ACTR2: variants seen among roughly 807,000 people sequenced by gnomAD.
The protein encoded by ACTR2 is actin related protein 2, also known as actin-related protein 2.
A neutral mutation model predicts 50.2 loss-of-function variants in ACTR2; 5 were observed. The observed-to-expected ratio is 0.10, with a 90% CI of 0.05 to 0.21. The LOEUF is 0.21. Among genes scored for constraint, ACTR2 ranks in the 10% least tolerant of loss-of-function variants. The pLI is 1.00. For missense variants in ACTR2, 180 were observed against 480.6 expected (o/e 0.37, Z 5.85); for synonymous variants, 140 against 162.9 (o/e 0.86, Z 1.07).
At chr2:65,261,145 T>A (rs1387593493) in intron 6 of ACTR2, 102 bp from the exon 7 acceptor site, 5 of 1,136,454 alleles carry the variant, frequency 4.4e-6, no homozygotes, top group Admixed American at 2.6e-5. Flanking sequence ...TGGTAATGAT[T>A]TTGGTTACAG....
At chr2:65,254,011 C>A in intron 5 of ACTR2, 147 bp downstream of exon 5, 1 of 645,920 alleles carries the variant, frequency 1.5e-6, no homozygotes, top group Non-Finnish European at 2.5e-6. Flanking sequence ...TATAAAAATT[C>A]ATATAAGATT....
At chr2:65,259,987 C>T (rs746518468) in intron 6 of ACTR2, among the ~76,000 whole-genome samples, 17 of 152,100 alleles carry the variant, frequency 1.1e-4, no homozygotes, top group Non-Finnish European at 2.4e-4. Context: ...ATCTTATTTG[C>T]TTAAATTGAA....
chr2:65,268,864 A>G lies in ACTR2; in HGVS notation c.*130A>G, dbSNP rs1672434276. 2 of 1,014,630 alleles carry G rather than the reference A, an allele frequency of 2.0e-6. No homozygotes were observed. The highest frequency in any genetic ancestry group is 5.3e-5 in the Admixed American group (2 of 37,612). The allele number at this position is 1,014,630 out of a possible 1,614,324, so 62.9% of individuals were successfully genotyped here. A position where few individuals can be genotyped will look rare whatever the true frequency, so the allele number is the denominator to read the frequency against. On this transcript the variant is annotated 3_prime_UTR_variant, in exon 9 of 9. Coordinates refer to ENST00000260641, the MANE Select transcript of ACTR2 (RefSeq NM_005722.4). Reference sequence around the variant, plus strand: ...CCTTTGACTGGAAAGGTCAAGTTTTATTCTGGTGTCTTGGGGAAGCTTTGT... The same window carrying G: ...CCTTTGACTGGAAAGGTCAAGTTTTGTTCTGGTGTCTTGGGGAAGCTTTGT...
intron 6 of ACTR2, 150 bp from the exon 7 acceptor site, chr2:65,261,097 C>CT (rs968038146): frequency 2.7e-6 from 2 of 736,522 alleles, no homozygotes; most frequent in Non-Finnish European, 4.3e-6. Flanking sequence ...TTTAATTTAC[C>CT]TTTTTTTCCC....
At chr2:65,265,359 A>G in intron 8 of ACTR2, 184 bp downstream of exon 8, 1 of 706,974 alleles carries the variant, frequency 1.4e-6, no homozygotes, top group Admixed American at 2.4e-5. Context: ...TCACCTCTAT[A>G]GAGTTGGTGG....
rs1160212791 is a variant in ACTR2 at position 65,243,636 on chromosome 2, T to A, written c.160-2888T>A. On this transcript the variant is annotated intron_variant, in intron 2 of 8. Coordinates refer to ENST00000260641, the MANE Select transcript of ACTR2 (RefSeq NM_005722.4). Reference sequence around the variant, plus strand: ...AGAGCAAAACCCTGCCTCTATTAGTTAATTGAACAAACAAACAAATGTTTT... The same window carrying A: ...AGAGCAAAACCCTGCCTCTATTAGTAAATTGAACAAACAAACAAATGTTTT... Among the ~76,000 whole-genome samples, 6 of 152,166 alleles carry A rather than the reference T, an allele frequency of 3.9e-5. No individual in the cohort carries two copies. The East Asian group carries it at 1.2e-3, about 29-fold the overall frequency.
intron 6 of ACTR2, among the ~76,000 whole-genome samples, chr2:65,256,128 A>C (rs2104010570): frequency 6.6e-6 from 1 of 152,344 alleles, no homozygotes; most frequent in South Asian, 2.1e-4. Context: ...TAATATGGGC[A>C]CAATTAATAT....
chr2:65,248,864 T>C (rs531871373), intron 3 of ACTR2, among the ~76,000 whole-genome samples: 5 of 152,060 alleles, frequency 3.3e-5, no homozygotes, highest in African/African-American at 1.2e-4. Context: ...AAACACAAAA[T>C]TAGCTGGGCA....
intron 5 of ACTR2, among the ~76,000 whole-genome samples, chr2:65,255,214 A>G (rs1306039834): frequency 6.6e-6 from 1 of 152,254 alleles, no homozygotes; most frequent in Non-Finnish European, 1.5e-5. Context: ...ACAGGAGTCC[A>G]GTACTAAAAT....
At chr2:65,252,061 T>C (rs1455147160) in intron 4 of ACTR2, among the ~76,000 whole-genome samples, 1 of 151,900 alleles carries the variant, frequency 6.6e-6, no homozygotes, top group East Asian at 1.9e-4. Flanking sequence ...GCACTGGAAA[T>C]GGGTCAAGTG....
intron 6 of ACTR2, among the ~76,000 whole-genome samples, chr2:65,259,249 C>T (rs1202435106): frequency 6.6e-6 from 1 of 151,924 alleles, no homozygotes; most frequent in Non-Finnish European, 1.5e-5. Context: ...CAAAGCAAGA[C>T]CCCCGTCTCT....
intron 6 of ACTR2, 53 bp from the exon 7 acceptor site, chr2:65,261,194 C>T (rs1672261848): frequency 1.7e-5 from 27 of 1,598,214 alleles, no homozygotes; most frequent in Non-Finnish European, 2.3e-5. Context: ...CCGGAGAACA[C>T]TGGGAAATTT....
At chr2:65,264,283 C>T (rs1403869907) in intron 7 of ACTR2, among the ~76,000 whole-genome samples, 2 of 152,182 alleles carry the variant, frequency 1.3e-5, no homozygotes, top group Non-Finnish European at 2.9e-5. Flanking sequence ...ATTCACTGGG[C>T]TTGCTATGGC....
At chr2:65,245,321 A>G (rs1309020547) in intron 2 of ACTR2, among the ~76,000 whole-genome samples, 1 of 151,952 alleles carries the variant, frequency 6.6e-6, no homozygotes, top group Non-Finnish European at 1.5e-5. Flanking sequence ...GGAGTTTGAG[A>G]CCAGCTTGGC....
intron 3 of ACTR2, among the ~76,000 whole-genome samples, chr2:65,248,158 C>G (rs1264689703): frequency 6.6e-6 from 1 of 151,908 alleles, no homozygotes; most frequent in Admixed American, 6.6e-5. Flanking sequence ...CCCAGCACTT[C>G]TGGGAGGCCG....
At position 65,231,968 on chromosome 2, in the gene ACTR2, T is replaced by C. The variant is rs560873253; in HGVS notation, c.48+4011T>C. 1.6e-4 allele frequency among the ~76,000 whole-genome samples: 24 copies of C among 152,366 alleles called. No individual in the cohort carries two copies. In the East Asian group the frequency reaches 2.7e-3, roughly 17 times the overall value. ...AGTTTGCCTGGAAACAAGTTTGTAC[T>C]TACGATCACATGACCAATGTTGGTC... On this transcript the variant is annotated intron_variant, in intron 1 of 8. Coordinates refer to ENST00000260641, the MANE Select transcript of ACTR2 (RefSeq NM_005722.4).
At chr2:65,251,737 A>T (rs1353445934) in intron 4 of ACTR2, among the ~76,000 whole-genome samples, 1 of 152,224 alleles carries the variant, frequency 6.6e-6, no homozygotes, top group East Asian at 1.9e-4. Context: ...AGAGATTCAA[A>T]AAGGTAGCAT....
At chr2:65,253,391 C>T (rs1672088811) in intron 4 of ACTR2, among the ~76,000 whole-genome samples, 1 of 151,748 alleles carries the variant, frequency 6.6e-6, no homozygotes, top group African/African-American at 2.4e-5. Flanking sequence ...TGCAGTGAGC[C>T]TAGATTGAGC....
chr2:65,239,724 C>T (rs552579327), intron 1 of ACTR2, 128 bp from the exon 2 acceptor site: 8 of 658,804 alleles, frequency 1.2e-5, no homozygotes, highest in African/African-American at 9.1e-5. Flanking sequence ...GTGGCTACTT[C>T]GGGTGGACTG....
Sources: allele counts gnomAD v4.1 joint callset (sites outside exome capture counted in the v4.1 genomes callset), GRCh38; gene constraint gnomAD v4.1.1; transcripts MANE v1.5; gene names NCBI Gene and HGNC (gene_info 2026-07-23, HGNC 2026-07-21).